The following STRAP variants were observed in gnomAD, a reference collection of about 807,000 sequenced individuals.
STRAP encodes serine-threonine kinase receptor-associated protein.
STRAP carries 16 observed loss-of-function variants against 47.0 expected under a neutral mutation model. The observed-to-expected ratio is 0.34, with a 90% CI of 0.23 to 0.52. The LOEUF is 0.52. Ranked by LOEUF, STRAP falls within the 20% of genes least tolerant of loss-of-function variation. STRAP has a pLI of 0.96. For synonymous variants in STRAP, 130 were observed against 142.7 expected (o/e 0.91, Z 0.63); for missense variants, 293 against 420.0 (o/e 0.70, Z 2.64).
In STRAP at chr12:15,894,931, G is replaced by GT. The variant is rs1948047680; in HGVS notation, c.501-426dup. On this transcript the variant is annotated intron_variant, in intron 5 of 9. Transcript: ENST00000419869. This position sits in a 1 kb window ranked among gnomAD's most constrained non-coding sequence, Gnocchi z 4.9. ...TTAACCTGGGTCTGTGGGCAGAATG[G>GT]TTAAAGGGAGGGACCATGAAGCCTC... 6.6e-6 allele frequency among the ~76,000 whole-genome samples: 1 copy of GT among 152,178 alleles called. No homozygotes were observed. The highest frequency in any genetic ancestry group is 1.5e-5 in the Non-Finnish European group (1 of 68,036).
At chr12:15,900,667 A>G (rs1015051425) in intron 8 of STRAP, among the ~76,000 whole-genome samples, 2 of 152,356 alleles carry the variant, frequency 1.3e-5, no homozygotes, top group Non-Finnish European at 2.9e-5. Flanking sequence ...CTAATCTCTG[A>G]ATAGTATTAC....
At position 15,882,395 on chromosome 12, in the gene STRAP, C is replaced by T. The variant is rs537558612; in HGVS notation, c.-313C>T. The T allele has an allele frequency of 1.0e-3, 453 of 433,974 alleles. 4 individuals carry two copies. In the South Asian group the frequency reaches 0.012, roughly 12 times the overall value. 26.9% of individuals were successfully genotyped at this position (433,974 alleles called of 1,614,324 possible). On this transcript the variant is annotated 5_prime_UTR_variant, in exon 1 of 10. Transcript: ENST00000419869. ...GTGCTCTGCGTCATTTACGTCGTCA[C>T]TTCCTGCCGATGCCGGTGTGGACGC...
Position 15,887,486 on chromosome 12 carries a change from A to G in STRAP, c.249-2442A>G, listed in dbSNP as rs1356987205. Reference sequence around the variant, plus strand: ...ATTTCTTGCCTGGAGATTGAATAATACATTAGGAAACATTTAGATTAGATC... The same window carrying G: ...ATTTCTTGCCTGGAGATTGAATAATGCATTAGGAAACATTTAGATTAGATC... On this transcript the variant is annotated intron_variant, in intron 2 of 9. Transcript: ENST00000419869. This position sits in a 1 kb window ranked among gnomAD's most constrained non-coding sequence, Gnocchi z 5.5. Among the ~76,000 whole-genome samples the G allele has an allele frequency of 1.3e-5, 2 of 152,204 alleles. No individual in the cohort carries two copies. The highest frequency in any genetic ancestry group is 6.5e-5 in the Admixed American group (1 of 15,288).
intron 6 of STRAP, among the ~76,000 whole-genome samples, chr12:15,897,638 A>C (rs1467552461): frequency 6.6e-6 from 1 of 151,984 alleles, no homozygotes; most frequent in Non-Finnish European, 1.5e-5. Context: ...CATCCACTGC[A>C]TAAACTGGAT....
At chr12:15,883,895 T>C (rs902938130) in intron 2 of STRAP, among the ~76,000 whole-genome samples, 2 of 152,228 alleles carry the variant, frequency 1.3e-5, no homozygotes, top group African/African-American at 2.4e-5. Flanking sequence ...AAATGACTTA[T>C]TCCGTATATT....
chr12:15,902,885 CTTT>C (rs71042274), intron 9 of STRAP, 29 bp from the exon 10 acceptor site: 22,334 of 1,079,442 alleles, frequency 0.021, no homozygotes, highest in East Asian at 0.028. Context: ...ACTAATGTGA[CTTT>C]TTTTTTTTTT....
chr12:15,896,855 C>T lies in STRAP; in HGVS notation c.639-1027C>T, dbSNP rs1481069496. ...TCCATAAGGATTATACCACATTACA[C>T]TTTGATATTTGACCAGTGTCTTAAC... On this transcript the variant is annotated intron_variant, in intron 6 of 9. Transcript: ENST00000419869. The surrounding 1 kb of genome is among the most constrained non-coding windows in gnomAD (Gnocchi z 4.1). Among the ~76,000 whole-genome samples the T allele has an allele frequency of 2.0e-5, 3 of 152,162 alleles. No individual in the cohort carries two copies. Among genetic ancestry groups the T allele is most frequent in the Non-Finnish European group, 4.4e-5 (3 of 68,038 alleles).
At chr12:15,897,792 T>G in intron 6 of STRAP, 90 bp from the exon 7 acceptor site, 2 of 921,938 alleles carry the variant, frequency 2.2e-6, no homozygotes, top group Non-Finnish European at 3.0e-6. Context: ...TAATTGTTCC[T>G]TGGGTTTCAG....
intron 6 of STRAP, among the ~76,000 whole-genome samples, chr12:15,897,101 C>T (rs916796916): frequency 6.6e-6 from 1 of 152,222 alleles, no homozygotes; most frequent in African/African-American, 2.4e-5. Flanking sequence ...AATATTCTAG[C>T]ATTTGAGCCA....
At chr12:15,898,531 T>C (rs552951874) in intron 7 of STRAP, among the ~76,000 whole-genome samples, 4 of 152,310 alleles carry the variant, frequency 2.6e-5, no homozygotes, top group East Asian at 1.9e-4. Flanking sequence ...TGGATAGTTA[T>C]TTTTATCAGC....
chr12:15,903,047 CCAGAGTTACTGTCTGCTTAAGG>C lies in STRAP; in HGVS notation c.*74_*95del. On this transcript the variant is annotated 3_prime_UTR_variant, in exon 10 of 10. Transcript: ENST00000419869. Reference sequence around the variant, plus strand: ...GCAAGCAGAGAAAAGCATCAGCCTTCCAGAGTTACTGTCTGCTTAAGGCAGAAACAGCAGTAAATAATGAGGA... The same window carrying C: ...GCAAGCAGAGAAAAGCATCAGCCTTCCAGAAACAGCAGTAAATAATGAGGA... The C allele has an allele frequency of 1.4e-6, 2 of 1,428,736 alleles. No individual in the cohort carries two copies. Among genetic ancestry groups the C allele is most frequent in the Non-Finnish European group, 1.8e-6 (2 of 1,081,270 alleles). The allele number at this position is 1,428,736 out of a possible 1,614,324, so 88.5% of individuals were successfully genotyped here.
chr12:15,882,724 C>T lies in STRAP; in HGVS notation c.17C>T (p.Thr6Met). 1 of 1,611,740 alleles carries T rather than the reference C, an allele frequency of 6.2e-7. No homozygotes were observed. The highest frequency in any genetic ancestry group is 8.5e-7 in the Non-Finnish European group (1 of 1,179,530). ...GCCGCCGCCATGGCAATGAGACAGA[C>T]GCCGCTCACCTGCTCTGGCCACACG... The part of the protein sequence containing the change: MAMRQ[T>M]PLTCSGHTRP... The change falls in exon 1 of 10, where the codon ACG becomes ATG. Residue 6 changes from threonine (T) to methionine (M), a missense_variant. Coordinates refer to ENST00000419869, the MANE Select transcript of STRAP (RefSeq NM_007178.4).
chr12:15,899,217 A>T (rs1463406180), intron 7 of STRAP, among the ~76,000 whole-genome samples: 1 of 152,178 alleles, frequency 6.6e-6, no homozygotes, highest in Non-Finnish European at 1.5e-5. Flanking sequence ...CTCTGGTGGG[A>T]CACAGATGGG....
At chr12:15,892,529 A>G (rs1948025257) in intron 4 of STRAP, among the ~76,000 whole-genome samples, 1 of 152,214 alleles carries the variant, frequency 6.6e-6, no homozygotes, top group Admixed American at 6.5e-5. Context: ...TCATAAATCT[A>G]TAAAATTTTA....
At chr12:15,885,706 T>G (rs547929396) in intron 2 of STRAP, among the ~76,000 whole-genome samples, 1 of 152,196 alleles carries the variant, frequency 6.6e-6, no homozygotes, top group Non-Finnish European at 1.5e-5. Context: ...TGTTTACAAG[T>G]GGTGTATTAA....
intron 9 of STRAP, 32 bp from the exon 10 acceptor site, chr12:15,902,885 C>CTTTTTTTTTT (rs71042274): frequency 8.6e-5 from 95 of 1,102,830 alleles, no homozygotes; most frequent in South Asian, 4.5e-4. Flanking sequence ...ACTAATGTGA[C>CTTTTTTTTTT]TTTTTTTTTT....
rs1948118437 is a variant in STRAP at position 15,903,047 on chromosome 12, C to T, written c.*69C>T. On this transcript the variant is annotated 3_prime_UTR_variant, in exon 10 of 10. Coordinates refer to ENST00000419869, the MANE Select transcript of STRAP (RefSeq NM_007178.4). ...GCAAGCAGAGAAAAGCATCAGCCTT[C>T]CAGAGTTACTGTCTGCTTAAGGCAG... 2 of 1,428,618 alleles carry T rather than the reference C, an allele frequency of 1.4e-6. No individual in the cohort carries two copies. The highest frequency in any genetic ancestry group is 9.2e-7 in the Non-Finnish European group (1 of 1,081,278). 88.5% of individuals were successfully genotyped at this position (1,428,618 alleles called of 1,614,324 possible). A position where few individuals can be genotyped will look rare whatever the true frequency, so the allele number is the denominator to read the frequency against.
chr12:15,885,840 A>G (rs754618328), intron 2 of STRAP, among the ~76,000 whole-genome samples: 7 of 152,158 alleles, frequency 4.6e-5, no homozygotes. Flanking sequence ...TAAATAAGTT[A>G]ATATGTTTCG....
intron 9 of STRAP, among the ~76,000 whole-genome samples, chr12:15,901,442 C>T (rs1948102496): frequency 6.6e-6 from 1 of 152,044 alleles, no homozygotes. Context: ...ACTATGTTAA[C>T]TAAAAGTTCA....
Sources: allele counts gnomAD v4.1 joint callset (sites outside exome capture counted in the v4.1 genomes callset), GRCh38; gene constraint gnomAD v4.1.1; non-coding constraint Gnocchi (gnomAD v3.1); transcripts MANE v1.5; gene names NCBI Gene and HGNC (gene_info 2026-07-23, HGNC 2026-07-21).